Variants in GLRB observed in about 807,000 individuals in gnomAD.
GLRB encodes glycine receptor beta, also known as glycine receptor subunit beta.
GLRB carries 33 observed loss-of-function variants against 54.2 expected under a neutral mutation model. The observed-to-expected ratio is 0.61, with a 90% CI of 0.46 to 0.81. The LOEUF is 0.81. Ranked by LOEUF, GLRB falls within the 40% of genes least tolerant of loss-of-function variation. The pLI is 0.00. For missense variants in GLRB, 572 were observed against 584.6 expected (o/e 0.98, Z 0.22); for synonymous variants, 209 against 208.2 (o/e 1.00, Z -0.03).
chr4:157,154,526 C>T (rs925817255), intron 9 of GLRB, among the ~76,000 whole-genome samples: 13 of 142,224 alleles, frequency 9.1e-5, no homozygotes, highest in African/African-American at 3.4e-4. Context: ...CTCTCAGGTT[C>T]AAACGATTCT....
rs551850118 is a variant in GLRB at position 157,160,638 on chromosome 4, G to A, written c.1197+7628G>A. On this transcript the variant is annotated intron_variant, in intron 9 of 9. Transcript: ENST00000264428. ...TTGTTCAGTTTCCATGTAGTTGAGC[G>A]GTTTTGAGTGAGTTTCTTAATCCTG... 1.8e-3 allele frequency among the ~76,000 whole-genome samples: 278 copies of A among 151,972 alleles called. 1 individual carries two copies. Among genetic ancestry groups the A allele is most frequent in the African/African-American group, 6.4e-3 (265 of 41,412 alleles).
intron 9 of GLRB, among the ~76,000 whole-genome samples, chr4:157,160,846 G>A (rs576897157): frequency 2.6e-5 from 4 of 152,118 alleles, no homozygotes; most frequent in South Asian, 2.1e-4. Context: ...TGTCTATTAG[G>A]CCCACTTGGT....
At chr4:157,101,214 T>C (rs1735013785) in intron 2 of GLRB, among the ~76,000 whole-genome samples, 1 of 152,148 alleles carries the variant, frequency 6.6e-6, no homozygotes, top group Admixed American at 6.6e-5. Context: ...TTACTAACAG[T>C]ACTGAATACT....
rs1737826649 is a variant in GLRB at position 157,169,181 on chromosome 4, GTAAC to G, written c.1198-1249_1198-1246del. On this transcript the variant is annotated intron_variant, in intron 9 of 9. Transcript: ENST00000264428. ...TTATATTAATAAAGCAGTTACTAGA[GTAAC>G]TGTGATATACTAATAATATACAATT... is the stretch of plus-strand genomic sequence containing the variant. Among the ~76,000 whole-genome samples the G allele has an allele frequency of 4.6e-5, 7 of 151,962 alleles. No individual in the cohort carries two copies. The South Asian group carries it at 1.5e-3, about 32-fold the overall frequency.
At chr4:157,125,089 A>G (rs1356128106) in intron 4 of GLRB, among the ~76,000 whole-genome samples, 1 of 151,916 alleles carries the variant, frequency 6.6e-6, no homozygotes, top group Admixed American at 6.6e-5. Context: ...TCATCTAGAC[A>G]ACACTTCATT....
At chr4:157,163,212 C>A (rs7688551) in intron 9 of GLRB, among the ~76,000 whole-genome samples, 1 of 152,010 alleles carries the variant, frequency 6.6e-6, no homozygotes, top group African/African-American at 2.4e-5. Context: ...GGGAGTGTCC[C>A]GATTTTCCAG....
At chr4:157,159,232 T>C (rs980017007) in intron 9 of GLRB, among the ~76,000 whole-genome samples, 2 of 152,090 alleles carry the variant, frequency 1.3e-5, no homozygotes, top group Non-Finnish European at 2.9e-5. Flanking sequence ...AGATTTTGGG[T>C]TGAGACAATG....
chr4:157,151,524 G>C (rs894910259), intron 8 of GLRB, among the ~76,000 whole-genome samples: 6 of 152,048 alleles, frequency 3.9e-5, no homozygotes, highest in African/African-American at 1.2e-4. Flanking sequence ...AGCTTATCAA[G>C]TTGTTATATA....
intron 8 of GLRB, among the ~76,000 whole-genome samples, chr4:157,149,727 G>C (rs1019850592): frequency 6.6e-6 from 1 of 152,012 alleles, no homozygotes; most frequent in African/African-American, 2.4e-5. Context: ...GTTGAGACAG[G>C]AGTTGGCATG....
intron 7 of GLRB, among the ~76,000 whole-genome samples, chr4:157,140,154 A>G (rs1385164019): frequency 6.6e-6 from 1 of 151,992 alleles, no homozygotes; most frequent in African/African-American, 2.4e-5. Context: ...TAATAGTCGA[A>G]TATATTGCTA....
intron 2 of GLRB, among the ~76,000 whole-genome samples, chr4:157,111,099 G>A (rs1735401750): frequency 6.6e-6 from 1 of 151,954 alleles, no homozygotes; most frequent in African/African-American, 2.4e-5. Flanking sequence ...AGCCTTCAGT[G>A]GTCTAGTGTA....
intron 2 of GLRB, among the ~76,000 whole-genome samples, chr4:157,082,989 T>TATAC (rs1491140351): frequency 3.5e-5 from 5 of 142,750 alleles, no homozygotes; most frequent in South Asian, 2.3e-4. Flanking sequence ...TATATATATA[T>TATAC]ACACACATAC....
chr4:157,139,613 G>A (rs923442183), intron 7 of GLRB, among the ~76,000 whole-genome samples: 5 of 151,966 alleles, frequency 3.3e-5, no homozygotes, highest in Non-Finnish European at 7.4e-5. Flanking sequence ...TCTGCTAGTA[G>A]TTCTAGGTTA....
At chr4:157,119,618 A>G (rs1735729938) in intron 2 of GLRB, among the ~76,000 whole-genome samples, 1 of 151,682 alleles carries the variant, frequency 6.6e-6, no homozygotes, top group African/African-American at 2.4e-5. Context: ...TATTTTTAAT[A>G]ACAATGTCTT....
At chr4:157,083,000 T>A (rs61273287) in intron 2 of GLRB, among the ~76,000 whole-genome samples, 26,221 of 144,908 alleles carry the variant, frequency 0.18, 2,486 homozygotes, top group East Asian at 0.3. Context: ...ACACACATAC[T>A]TACAATTTAG....
chr4:157,096,327 C>G (rs1734811373), intron 2 of GLRB, among the ~76,000 whole-genome samples: 1 of 152,096 alleles, frequency 6.6e-6, no homozygotes, highest in Admixed American at 6.5e-5. Context: ...CCAGGGGGTA[C>G]TTTTTATTAT....
rs73856815 is a variant in GLRB, at chr4:157,084,516, A to C, written c.122+6370A>C. 2.8e-3 allele frequency: 1,229 copies of C among 442,090 alleles called. 9 individuals carry two copies. The highest frequency in any genetic ancestry group is 0.021 in the African/African-American group (1,048 of 49,200). 27.4% of individuals were successfully genotyped at this position (442,090 alleles called of 1,614,324 possible). On this transcript the variant is annotated intron_variant, in intron 2 of 9. Transcript: ENST00000264428. Reference sequence around the variant, plus strand: ...GCTGTTGGAACTCTAGCTTTAAAATAATTACATAAATAACTTTTAATTTTT... The same window carrying C: ...GCTGTTGGAACTCTAGCTTTAAAATCATTACATAAATAACTTTTAATTTTT...
chr4:157,133,168 A>C (rs1349703801), intron 4 of GLRB, among the ~76,000 whole-genome samples: 1 of 151,920 alleles, frequency 6.6e-6, no homozygotes, highest in Non-Finnish European at 1.5e-5. Flanking sequence ...AATAGACATA[A>C]TGATAATAAT....
intron 2 of GLRB, among the ~76,000 whole-genome samples, chr4:157,113,375 G>A (rs536021200): frequency 6.6e-6 from 1 of 151,988 alleles, no homozygotes; most frequent in Non-Finnish European, 1.5e-5. Context: ...TTATGTCAAA[G>A]AGGTTTGGAG....
Sources: allele counts gnomAD v4.1 joint callset (sites outside exome capture counted in the v4.1 genomes callset), GRCh38; gene constraint gnomAD v4.1.1; transcripts MANE v1.5; gene names NCBI Gene and HGNC (gene_info 2026-07-23, HGNC 2026-07-21).